The following GRIK2 variants were observed in gnomAD, a reference collection of about 807,000 sequenced individuals.
GRIK2 encodes glutamate receptor ionotropic, kainate 2.
A neutral mutation model predicts 100.3 loss-of-function variants in GRIK2; 32 were observed. The observed-to-expected ratio is 0.32, with a 90% CI of 0.24 to 0.43. The LOEUF is 0.43. GRIK2 is among the 20% of genes least tolerant of loss of function. The pLI, the probability that GRIK2 is intolerant of heterozygous loss-of-function variation, is 1.00. For missense variants in GRIK2, 843 were observed against 1,114.9 expected (o/e 0.76, Z 3.47); for synonymous variants, 417 against 389.4 (o/e 1.07, Z -0.83).
At chr6:101,643,061 T>A (rs1781356354) in intron 4 of GRIK2, among the ~76,000 whole-genome samples, 1 of 151,764 alleles carries the variant, frequency 6.6e-6, no homozygotes. Context: ...CTGATTTTTT[T>A]ATTTTAGCTG....
intron 6 of GRIK2, among the ~76,000 whole-genome samples, chr6:101,685,938 T>C (rs1771656303): frequency 6.6e-6 from 1 of 152,112 alleles, no homozygotes; most frequent in Non-Finnish European, 1.5e-5. Context: ...AAGAGCCCAT[T>C]GTTTCACTGG....
chr6:101,698,010 C>A (rs1203836885), intron 7 of GRIK2, among the ~76,000 whole-genome samples: 3 of 151,952 alleles, frequency 2.0e-5, no homozygotes, highest in Admixed American at 1.3e-4. Flanking sequence ...TCTTTTGATC[C>A]CTGTTTATAC....
At chr6:101,741,024 C>T (rs1366032228) in intron 7 of GRIK2, among the ~76,000 whole-genome samples, 1 of 152,126 alleles carries the variant, frequency 6.6e-6, no homozygotes, top group Non-Finnish European at 1.5e-5. Context: ...TTTTATGCTT[C>T]TCACTCAAGG....
intron 7 of GRIK2, among the ~76,000 whole-genome samples, chr6:101,790,004 G>T (rs1343029456): frequency 1.3e-5 from 2 of 152,216 alleles, no homozygotes; most frequent in East Asian, 1.9e-4. Context: ...TTGGCTCTCT[G>T]TTTGTTTGTT....
At chr6:101,424,589 T>C (rs1487651003) in intron 2 of GRIK2, among the ~76,000 whole-genome samples, 1 of 151,078 alleles carries the variant, frequency 6.6e-6, no homozygotes, top group Non-Finnish European at 1.5e-5. Context: ...TATTATTCTT[T>C]AAGTTTTAGG....
intron 14 of GRIK2, among the ~76,000 whole-genome samples, chr6:101,937,455 G>T (rs1249283645): frequency 6.6e-6 from 1 of 152,118 alleles, no homozygotes; most frequent in African/African-American, 2.4e-5. Context: ...AGTTGTCACT[G>T]CAAGAGTTCA....
At chr6:101,436,880 A>G (rs964020044) in intron 2 of GRIK2, among the ~76,000 whole-genome samples, 1 of 151,168 alleles carries the variant, frequency 6.6e-6, no homozygotes, top group Admixed American at 6.6e-5. Flanking sequence ...AAAGTCCTAT[A>G]TAATTTAAAA....
intron 4 of GRIK2, among the ~76,000 whole-genome samples, chr6:101,631,374 G>A (rs1780736649): frequency 6.6e-6 from 1 of 152,072 alleles, no homozygotes; most frequent in Non-Finnish European, 1.5e-5. Context: ...CTCTGGACTG[G>A]TAAACAGAAG....
chr6:101,949,601 G>C (rs1338796637), intron 14 of GRIK2, among the ~76,000 whole-genome samples: 1 of 152,050 alleles, frequency 6.6e-6, no homozygotes, highest in Non-Finnish European at 1.5e-5. Context: ...AAGTGAGAAT[G>C]TGTGGTGTTT....
chr6:101,950,396 GA>G (rs1301254726), intron 14 of GRIK2, among the ~76,000 whole-genome samples: 4 of 152,138 alleles, frequency 2.6e-5, no homozygotes, highest in African/African-American at 4.8e-5. Context: ...ACTAAAACTT[GA>G]AAGCAGGCCT....
chr6:101,600,398 A>G (rs1477243917), intron 2 of GRIK2, among the ~76,000 whole-genome samples: 2 of 151,772 alleles, frequency 1.3e-5, no homozygotes, highest in Non-Finnish European at 2.9e-5. Flanking sequence ...TTTTGGTTCC[A>G]TGTGAAATTT....
chr6:101,433,957 C>T (rs1004778215), intron 2 of GRIK2, among the ~76,000 whole-genome samples: 11 of 152,114 alleles, frequency 7.2e-5, no homozygotes, highest in African/African-American at 2.2e-4. Context: ...AGTTGAAGTC[C>T]GCCTGTACTA....
In GRIK2 at chr6:101,621,972, T is replaced by A. The variant is rs533412143; in HGVS notation, c.139T>A (p.Ser47Thr). ...RFGGIFEYVESGPMGAEELAF... is the reference protein window; with the variant it reads ...RFGGIFEYVETGPMGAEELAF... ...AGGTGGTATTTTTGAATATGTGGAA[T>A]CTGGCCCAATGGGAGCTGAGGAACT... The change falls in exon 3 of 17, where the codon TCT (serine) becomes ACT (threonine). Residue 47 changes from serine (S) to threonine (T), a missense_variant. Ser to Thr is a moderately conservative substitution (Grantham distance 58, BLOSUM62 1). Around this residue, in one of 3 missense-constraint regions of GRIK2, gnomAD observed 519 missense variants for 643.8 expected, o/e 0.81. Transcript: ENST00000369134. 6.2e-7 allele frequency: 1 copy of A among 1,609,656 alleles called. No individual in the cohort carries two copies. The highest frequency in any genetic ancestry group is 2.2e-5 in the East Asian group (1 of 44,748).
intron 14 of GRIK2, among the ~76,000 whole-genome samples, chr6:102,031,618 A>G (rs1770006048): frequency 1.3e-5 from 2 of 151,034 alleles, no homozygotes; most frequent in African/African-American, 4.8e-5. Flanking sequence ...TGCCCCCATC[A>G]TCTTCCTCCC....
At chr6:101,440,652 G>T (rs560356823) in intron 2 of GRIK2, among the ~76,000 whole-genome samples, 3 of 152,242 alleles carry the variant, frequency 2.0e-5, no homozygotes, top group African/African-American at 7.2e-5. Context: ...ATACTTTCTA[G>T]TTCTTTTCAG....
chr6:101,414,235 C>T (rs891561279), intron 2 of GRIK2, among the ~76,000 whole-genome samples: 2 of 152,174 alleles, frequency 1.3e-5, no homozygotes, highest in African/African-American at 2.4e-5. Context: ...CTGAGGACCT[C>T]ATTCAGAAGT....
At chr6:101,398,549 CTT>C (rs910867394) in intron 1 of GRIK2, among the ~76,000 whole-genome samples, 2 of 152,166 alleles carry the variant, frequency 1.3e-5, no homozygotes, top group Non-Finnish European at 2.9e-5. Context: ...AGATCACTTT[CTT>C]TTTTACAGTT....
intron 2 of GRIK2, among the ~76,000 whole-genome samples, chr6:101,608,354 T>G (rs35142507): frequency 0.34 from 52,325 of 151,782 alleles, 9,343 homozygotes; most frequent in African/African-American, 0.43. Context: ...TTGTAGAATC[T>G]CCTCCCAGAT....
chr6:101,592,684 T>C (rs1778730057), intron 2 of GRIK2, among the ~76,000 whole-genome samples: 1 of 147,422 alleles, frequency 6.8e-6, no homozygotes, highest in East Asian at 2.1e-4. Flanking sequence ...GGACTGGGCT[T>C]TGCAGAATTG....
Sources: allele counts gnomAD v4.1 joint callset (sites outside exome capture counted in the v4.1 genomes callset), GRCh38; gene constraint gnomAD v4.1.1; regional missense constraint gnomAD v4.1.1; transcripts MANE v1.5; gene names NCBI Gene and HGNC (gene_info 2026-07-23, HGNC 2026-07-21).